Variants in TPRX1 observed in about 807,000 individuals in gnomAD.
TPRX1 encodes the protein tetrapeptide repeat homeobox 1, also known as tetra-peptide repeat homeobox protein 1.
TPRX1 carries 2 observed loss-of-function variants against 8.1 expected under a neutral mutation model. The ratio of observed to expected loss-of-function variants is 0.25; its 90% CI spans 0.10 to 0.78. The LOEUF is 0.78. Ranked by LOEUF, TPRX1 falls within the 30% of genes least tolerant of loss-of-function variation. The probability of loss-of-function intolerance (pLI) is 0.70; values close to 1 mark genes in which losing one functional copy is unlikely to be tolerated. For synonymous variants in TPRX1, 257 were observed against 254.1 expected (o/e 1.01, Z -0.11); for missense variants, 517 against 586.9 (o/e 0.88, Z 1.23).
intron 2 of TPRX1, among the ~76,000 whole-genome samples, chr19:47,811,363 G>A (rs1212763253): frequency 2.6e-5 from 4 of 151,814 alleles, no homozygotes; most frequent in Non-Finnish European, 4.4e-5. Context: ...TCTTTAAACC[G>A]AAACACGCAT....
chr19:47,802,781 C>T lies in TPRX1; in HGVS notation c.521G>A (p.Trp174Ter). Reference sequence around the variant, plus strand: ...CTGGGCTCTGCACCCAGGGCCACCCCAGGCCTGGTGGAGGCTGCAGATCGT... The same window carrying T: ...CTGGGCTCTGCACCCAGGGCCACCCTAGGCCTGGTGGAGGCTGCAGATCGT... The change falls in exon 4 of 4, where the codon TGG becomes TAG. Residue 174 changes from tryptophan to a stop codon, truncating the protein, a stop_gained. Coordinates refer to ENST00000535759, the Ensembl canonical transcript of TPRX1. LOFTEE classifies it low-confidence loss of function (END_TRUNC). 6.2e-7 allele frequency: 1 copy of T among 1,605,556 alleles called. No homozygotes were observed. The highest frequency in any genetic ancestry group is 1.1e-5 in the South Asian group (1 of 89,630).
At chr19:47,802,475 A>C (rs1599949608) in exon 4 of TPRX1, 4 of 1,527,824 alleles carry the variant, frequency 2.6e-6, no homozygotes, top group African/African-American at 1.5e-5. Context: ...TGGGCCTGGG[A>C]TCGGGCCTGG....
At chr19:47,812,375 T>C (rs953559927) in intron 2 of TPRX1, among the ~76,000 whole-genome samples, 2 of 151,858 alleles carry the variant, frequency 1.3e-5, no homozygotes, top group African/African-American at 4.8e-5. Context: ...GGTGGGTGGA[T>C]TGCTTGAGGC....
At chr19:47,803,045 T>C (rs1018261652) in intron 3 of TPRX1, 65 bp from the exon 3 acceptor site, 1 of 1,475,338 alleles carries the variant, frequency 6.8e-7, no homozygotes, top group Admixed American at 2.3e-5. Flanking sequence ...GTGAGCCTTT[T>C]GGGGTCGGGG....
chr19:47,803,341 T>C lies in TPRX1; in HGVS notation c.321+163A>G, dbSNP rs184661335. ...TCATGTGGGCGAGTTTGGGCTAGCATAGAGTTGGAACAGGACTCAGGATGC... is the reference window on the plus strand; with the variant it reads ...TCATGTGGGCGAGTTTGGGCTAGCACAGAGTTGGAACAGGACTCAGGATGC... On this transcript the variant is annotated intron_variant, in intron 3 of 3. Transcript: ENST00000535759. Among the ~76,000 whole-genome samples the C allele has an allele frequency of 6.2e-3, 932 of 151,218 alleles. 22 individuals carry two copies. In the East Asian group the frequency reaches 0.077, roughly 13 times the overall value.
intron 2 of TPRX1, among the ~76,000 whole-genome samples, chr19:47,815,164 T>TATATGCAAATATATATATATATATATA (rs1228376903): frequency 0.017 from 856 of 49,582 alleles, 12 homozygotes; most frequent in Non-Finnish European, 0.029. Flanking sequence ...ATATATATAT[T>TATATGCAAATATATATATATATATATA]TTTTTTTTTT....
intron 3 of TPRX1, 143 bp from the exon 3 acceptor site, chr19:47,803,123 C>T: frequency 1.1e-6 from 1 of 935,910 alleles, no homozygotes; most frequent in Non-Finnish European, 1.5e-6. Context: ...AGGGCCCCGG[C>T]TCCAAGGCCT....
Position 47,818,246 on chromosome 19 carries a change from CCCATCCATCCATCCAT to C in TPRX1, c.151+206_151+221del, listed in dbSNP as rs756906028. ...CATCCATCCATCCACCCATCCATCA[CCCATCCATCCATCCAT>C]CCATCCATCCATCCATCACCCATCC... On this transcript the variant is annotated intron_variant, in intron 2 of 3. Coordinates refer to ENST00000535759, the Ensembl canonical transcript of TPRX1. Among the ~76,000 whole-genome samples, 368 of 129,834 alleles carry C rather than the reference CCCATCCATCCATCCAT, an allele frequency of 2.8e-3. 6 individuals are homozygous for C. The highest frequency in any genetic ancestry group is 0.012 in the African/African-American group (358 of 29,356). 85.2% of individuals were successfully genotyped at this position (129,834 alleles called of 152,430 possible).
At chr19:47,802,916 C>T (rs577238784) in exon 4 of TPRX1, 19 of 1,555,598 alleles carry the variant, frequency 1.2e-5, no homozygotes, top group South Asian at 1.1e-4. Context: ...CCCAGGGACG[C>T]GCTGGGGCTG....
chr19:47,817,973 T>C lies in TPRX1; in HGVS notation c.151+495A>G, dbSNP rs183210154. 2.6e-5 allele frequency among the ~76,000 whole-genome samples: 4 copies of C among 152,328 alleles called. No individual in the cohort carries two copies. In the East Asian group the frequency reaches 7.7e-4, roughly 29 times the overall value. The stretch of plus-strand genomic sequence containing the variant: ...GAGTGGATGCACCCACTACCAGGCA[T>C]GGGACCTGGTAGAAGCAGGGATTCA... On this transcript the variant is annotated intron_variant, in intron 2 of 3. Transcript: ENST00000535759.
chr19:47,814,042 A>C (rs1157497958), intron 2 of TPRX1, among the ~76,000 whole-genome samples: 1 of 147,774 alleles, frequency 6.8e-6, no homozygotes, highest in Non-Finnish European at 1.5e-5. Context: ...AGGGGTTAGA[A>C]GGGTGCCAAC....
At chr19:47,812,793 AC>A (rs1281085955) in intron 2 of TPRX1, among the ~76,000 whole-genome samples, 3 of 149,972 alleles carry the variant, frequency 2.0e-5, no homozygotes, top group East Asian at 2.0e-4. Flanking sequence ...TCTCAAAAAA[AC>A]CCCCCAAAAC....
Position 47,816,737 on chromosome 19 carries a change from T to A in TPRX1, c.151+1731A>T, listed in dbSNP as rs150286960. ...TTAGTAGAGATGGGGTTTCACCATG[T>A]TAGCCAGGATGGTCTCGATCTCCTG... On this transcript the variant is annotated intron_variant, in intron 2 of 3. Transcript: ENST00000535759. Among the ~76,000 whole-genome samples, 129 of 151,708 alleles carry A rather than the reference T, an allele frequency of 8.5e-4. 1 individual carries two copies. In the East Asian group the frequency reaches 0.02, roughly 24 times the overall value.
At chr19:47,812,028 G>A (rs1404301991) in intron 2 of TPRX1, among the ~76,000 whole-genome samples, 6 of 151,238 alleles carry the variant, frequency 4.0e-5, no homozygotes, top group East Asian at 2.0e-4. Flanking sequence ...CACCACGCCC[G>A]GCTAATTTTG....
chr19:47,802,071 AGCCTGG>A lies in TPRX1; in HGVS notation c.1225_1230del (p.Pro409_Gly410del), dbSNP rs754181268. 3.8e-6 allele frequency: 6 copies of A among 1,591,860 alleles called. No homozygotes were observed. In the African/African-American group the frequency reaches 4.1e-5, roughly 11 times the overall value. ...GGGATTGGAGCTGGGACTGAGCCTG[AGCCTGG>A]GCCTGAGCCTGGGCCTAAAATCGGG... On this transcript the variant is annotated inframe_deletion, in exon 4 of 4. Transcript: ENST00000535759.
chr19:47,802,558 G>A, exon 4 of TPRX1: 1 of 1,551,028 alleles, frequency 6.4e-7, no homozygotes. Flanking sequence ...CTGGGATTGG[G>A]CCACGGAATG....
exon 4 of TPRX1, chr19:47,801,463 G>C (rs1434936372): frequency 1.4e-5 from 4 of 283,108 alleles, no homozygotes; most frequent in Non-Finnish European, 6.5e-6. Context: ...CCTAAGTGTT[G>C]GGGAAGATGC....
At chr19:47,801,465 G>C (rs1317401811) in exon 4 of TPRX1, 1 of 285,960 alleles carries the variant, frequency 3.5e-6, no homozygotes, top group East Asian at 6.8e-5. Flanking sequence ...TAAGTGTTGG[G>C]GAAGATGCTG....
intron 2 of TPRX1, among the ~76,000 whole-genome samples, chr19:47,812,748 C>T (rs1357555703): frequency 6.6e-6 from 1 of 151,852 alleles, no homozygotes; most frequent in Non-Finnish European, 1.5e-5. Context: ...GTGAGAAACA[C>T]TGCACTTCAT....
Sources: allele counts gnomAD v4.1 joint callset (sites outside exome capture counted in the v4.1 genomes callset), GRCh38; gene constraint gnomAD v4.1.1; transcripts MANE v1.5; gene names NCBI Gene and HGNC (gene_info 2026-07-23, HGNC 2026-07-21).